The following ADGRV1 variants were observed in gnomAD, a reference collection of about 807,000 sequenced individuals.
The protein encoded by ADGRV1 is adhesion G protein-coupled receptor V1.
A neutral mutation model predicts 596.2 loss-of-function variants in ADGRV1; 359 were observed. The ratio of observed to expected loss-of-function variants is 0.60; its 90% CI spans 0.55 to 0.66. ADGRV1 has a LOEUF of 0.66. ADGRV1 is among the 30% of genes least tolerant of loss of function. The pLI, the probability that ADGRV1 is intolerant of heterozygous loss-of-function variation, is 0.00. For missense variants in ADGRV1, 7,274 were observed against 7,575.6 expected, an observed-to-expected ratio of 0.96 and a Z score of 1.48; for synonymous variants, 2,681 against 2,679.2, an observed-to-expected ratio of 1.00 and a Z score of -0.02.
At chr5:90,702,515 T>C (rs1338230370) in intron 34 of ADGRV1, among the ~76,000 whole-genome samples, 2 of 152,066 alleles carry the variant, frequency 1.3e-5, no homozygotes, top group East Asian at 1.9e-4. Flanking sequence ...GAAATTAAGA[T>C]GGTCTCTAAA....
intron 11 of ADGRV1, among the ~76,000 whole-genome samples, chr5:90,638,470 A>G (rs947443002): frequency 1.3e-5 from 2 of 152,104 alleles, no homozygotes; most frequent in Non-Finnish European, 2.9e-5. Flanking sequence ...TTCAGTAATA[A>G]ATAATAAGAA....
chr5:91,057,546 A>C (rs1316097748), intron 85 of ADGRV1, among the ~76,000 whole-genome samples: 4 of 152,252 alleles, frequency 2.6e-5, no homozygotes, highest in Admixed American at 6.5e-5. Flanking sequence ...GAGTATGCTC[A>C]GAAATTCAAA....
chr5:90,838,765 G>A lies in ADGRV1; in HGVS notation c.16612-1813G>A, dbSNP rs375002390. Among the ~76,000 whole-genome samples, 5 of 152,162 alleles carry A rather than the reference G, an allele frequency of 3.3e-5. No homozygotes were observed. In the South Asian group the frequency reaches 6.2e-4, roughly 19 times the overall value. ...AAGTTCTATTGACTCTAAGCTGAGCGTAGTGGTGCAAGCCTGTAGTCCCAG... is the reference window on the plus strand; with the variant it reads ...AAGTTCTATTGACTCTAAGCTGAGCATAGTGGTGCAAGCCTGTAGTCCCAG... On this transcript the variant is annotated intron_variant, in intron 77 of 89. Transcript: ENST00000405460.
intron 83 of ADGRV1, among the ~76,000 whole-genome samples, chr5:90,959,392 A>G (rs1318951355): frequency 6.6e-6 from 1 of 152,138 alleles, no homozygotes. Context: ...GAGATGCAAG[A>G]GTGGATATTG....
chr5:91,057,328 G>T (rs557381849), intron 85 of ADGRV1, among the ~76,000 whole-genome samples: 1 of 152,326 alleles, frequency 6.6e-6, no homozygotes, highest in Non-Finnish European at 1.5e-5. Context: ...CCATCATAAA[G>T]GGAAGTGTTT....
chr5:90,705,673 G>A, intron 37 of ADGRV1, 94 bp downstream of exon 37: 1 of 957,732 alleles, frequency 1.0e-6, no homozygotes, highest in Non-Finnish European at 1.6e-6. Context: ...ATAAATCGGG[G>A]ACAGGAGAAA....
chr5:90,815,668 TG>T lies in ADGRV1; in HGVS notation c.16130del (p.Gly5377AspfsTer2). 6.3e-7 allele frequency: 1 copy of T among 1,580,438 alleles called. No individual in the cohort carries two copies. The highest frequency in any genetic ancestry group is 2.3e-5 in the East Asian group (1 of 43,628). ...IIGFSEESQS[G>X]LELREGAVMR... Reference sequence around the variant, plus strand: ...TAGGATTCAGTGAGGAGTCCCAGAGTGGACTAGAACTCAGGGAAGGAGCTGT... The same window carrying T: ...TAGGATTCAGTGAGGAGTCCCAGAGTGACTAGAACTCAGGGAAGGAGCTGT... On this transcript the variant is annotated frameshift_variant, in exon 75 of 90. Transcript: ENST00000405460. LOFTEE classifies it high-confidence loss of function.
intron 83 of ADGRV1, among the ~76,000 whole-genome samples, chr5:90,908,485 A>G (rs1181328964): frequency 2.0e-5 from 3 of 152,224 alleles, no homozygotes; most frequent in East Asian, 1.9e-4. Context: ...CCCATAGATT[A>G]TGATTTAATG....
chr5:90,637,552 A>T (rs1766374190), intron 10 of ADGRV1, among the ~76,000 whole-genome samples, 173 bp from the exon 11 acceptor site: 1 of 152,186 alleles, frequency 6.6e-6, no homozygotes, highest in Admixed American at 6.5e-5. Context: ...AGTGATTTCC[A>T]TGCTTAAAGG....
At chr5:90,592,663 C>G (rs1330777382) in intron 1 of ADGRV1, among the ~76,000 whole-genome samples, 1 of 152,100 alleles carries the variant, frequency 6.6e-6, no homozygotes, top group East Asian at 1.9e-4. Context: ...AACAGGCAAC[C>G]TATGGAATGG....
intron 28 of ADGRV1, among the ~76,000 whole-genome samples, chr5:90,684,600 C>T (rs1580726968): frequency 6.6e-6 from 1 of 152,122 alleles, no homozygotes; most frequent in African/African-American, 2.4e-5. Context: ...ATTAAGGTGC[C>T]AGCAGATTCA....
chr5:90,852,739 A>G (rs1433348084), intron 79 of ADGRV1, among the ~76,000 whole-genome samples: 3 of 152,228 alleles, frequency 2.0e-5, no homozygotes, highest in Non-Finnish European at 4.4e-5. Flanking sequence ...CAGACTTGTT[A>G]AGTGAAAAAA....
chr5:91,153,661 A>G (rs928232653), intron 89 of ADGRV1, among the ~76,000 whole-genome samples: 6 of 152,254 alleles, frequency 3.9e-5, no homozygotes, highest in Admixed American at 3.3e-4. Context: ...GAATCTTGCT[A>G]GAACACCAAG....
chr5:91,148,787 A>G (rs1368910441), intron 87 of ADGRV1, among the ~76,000 whole-genome samples: 1 of 151,824 alleles, frequency 6.6e-6, no homozygotes, highest in Non-Finnish European at 1.5e-5. Flanking sequence ...CCAGCTTGTG[A>G]AAGCAGCTGG....
At chr5:91,019,588 T>TG (rs1783459453) in intron 85 of ADGRV1, among the ~76,000 whole-genome samples, 1 of 72,734 alleles carries the variant, frequency 1.4e-5, no homozygotes, top group African/African-American at 8.4e-5. Flanking sequence ...TTCTCTTCTG[T>TG]GGGAAAAAAA....
chr5:90,649,043 C>A (rs573508843), intron 17 of ADGRV1, among the ~76,000 whole-genome samples: 1 of 152,220 alleles, frequency 6.6e-6, no homozygotes, highest in Non-Finnish European at 1.5e-5. Flanking sequence ...CTCACTCTGT[C>A]ACCAGGCTGG....
chr5:90,720,824 G>C, intron 44 of ADGRV1, 111 bp from the exon 45 acceptor site: 1 of 829,490 alleles, frequency 1.2e-6, no homozygotes, highest in African/African-American at 1.7e-5. Flanking sequence ...TCTCATCTTG[G>C]ATTGTGTAAA....
chr5:90,722,716 C>CAAAAAAAAAAAAAAA (rs55761821), intron 45 of ADGRV1, among the ~76,000 whole-genome samples: 3 of 32,874 alleles, frequency 9.1e-5, no homozygotes, highest in African/African-American at 3.7e-4. Context: ...AACTCCGTCT[C>CAAAAAAAAAAAAAAA]AAAAAAAAAA....
At chr5:90,858,825 G>A (rs1185442602) in intron 82 of ADGRV1, among the ~76,000 whole-genome samples, 1 of 152,070 alleles carries the variant, frequency 6.6e-6, no homozygotes, top group African/African-American at 2.4e-5. Context: ...AGCTTTGTTT[G>A]TACATGGTCT....
Sources: allele counts gnomAD v4.1 joint callset (sites outside exome capture counted in the v4.1 genomes callset), GRCh38; gene constraint gnomAD v4.1.1; transcripts MANE v1.5; gene names NCBI Gene and HGNC (gene_info 2026-07-23, HGNC 2026-07-21).